Variants in PCDHGA1 observed in about 807,000 individuals in gnomAD.
PCDHGA1 encodes protocadherin gamma-A1.
PCDHGA1 carries 32 observed loss-of-function variants against 58.0 expected under a neutral mutation model. That is an observed-to-expected ratio of 0.55 (90% CI 0.42 to 0.74). The LOEUF is 0.74. Among genes scored for constraint, PCDHGA1 ranks in the 30% least tolerant of loss-of-function variants. The probability of loss-of-function intolerance (pLI) is 0.00; values close to 1 mark genes in which losing one functional copy is unlikely to be tolerated. For missense variants in PCDHGA1, 1,205 were observed against 1,182.3 expected (o/e 1.02, Z -0.28); for synonymous variants, 498 against 501.1 (o/e 0.99, Z 0.08).
chr5:141,417,232 G>C (rs997894028), intron 1 of PCDHGA1: 5 of 152,072 alleles, frequency 3.3e-5, no homozygotes, highest in Non-Finnish European at 7.4e-5. Flanking sequence ...AAAATTTGTT[G>C]CTTATCTTCA....
intron 1 of PCDHGA1, chr5:141,355,180 C>A (rs1383852861): frequency 1.3e-6 from 2 of 1,582,206 alleles, no homozygotes; most frequent in Middle Eastern, 4.6e-4. Context: ...GAAGCACAGG[C>A]GACTCCGCGG....
rs1243112302 is a variant in PCDHGA1, at chr5:141,476,738, C to G, written c.2422-18069C>G. 6.2e-7 allele frequency: 1 copy of G among 1,614,076 alleles called. No homozygotes were observed. Among genetic ancestry groups the G allele is most frequent in the Non-Finnish European group, 8.5e-7 (1 of 1,180,028 alleles). On this transcript the variant is annotated intron_variant, in intron 1 of 3. Transcript: ENST00000517417. This position sits in a 1 kb window ranked among gnomAD's most constrained non-coding sequence, Gnocchi z 7.6. ...GCGCGCCCTGGACCGAGAACGGGAG[C>G]CTAGTCTCCAGTTAGTGCTGACGGC...
intron 1 of PCDHGA1, chr5:141,428,225 A>G (rs775012950): frequency 4.3e-6 from 5 of 1,156,574 alleles, no homozygotes; most frequent in Non-Finnish European, 6.3e-6. Flanking sequence ...GTCTTCGCAG[A>G]CAGCCTGCAG....
At chr5:141,501,333 A>ACC (rs1554187333) in intron 2 of PCDHGA1, among the ~76,000 whole-genome samples, 192 of 140,118 alleles carry the variant, frequency 1.4e-3, no homozygotes, top group Admixed American at 5.6e-3. Flanking sequence ...ACACACACAC[A>ACC]CCCCAAACTC....
At chr5:141,427,411 A>C (rs1256606726) in intron 1 of PCDHGA1, 2 of 464,124 alleles carry the variant, frequency 4.3e-6, no homozygotes, top group Admixed American at 2.3e-5. Flanking sequence ...GATTCGAGAG[A>C]AAATGGGGAG....
intron 1 of PCDHGA1, chr5:141,378,618 ATGAC>A (rs1399279904): frequency 2.6e-5 from 4 of 152,254 alleles, no homozygotes; most frequent in African/African-American, 7.2e-5. Context: ...CTAAAAATAG[ATGAC>A]TGACTGGTGA....
At chr5:141,336,945 A>C (rs1306633248) in intron 1 of PCDHGA1, among the ~76,000 whole-genome samples, 1 of 152,198 alleles carries the variant, frequency 6.6e-6, no homozygotes, top group Non-Finnish European at 1.5e-5. Flanking sequence ...AATCCCAAAC[A>C]ATTGGATGTT....
rs1036281905 is a variant in PCDHGA1 at position 141,493,555 on chromosome 5, T to A, written c.2422-1252T>A. Among the ~76,000 whole-genome samples, 3 of 152,012 alleles carry A rather than the reference T, an allele frequency of 2.0e-5. No individual in the cohort carries two copies. ...GCCAGTTATCCTTTTGGAGATTGAG[T>A]TCCCCCAGCTCCGTTTCCTCCTATC... On this transcript the variant is annotated intron_variant, in intron 1 of 3. Transcript: ENST00000517417. The surrounding 1 kb of genome is among the most constrained non-coding windows in gnomAD (Gnocchi z 4.3).
intron 1 of PCDHGA1, among the ~76,000 whole-genome samples, chr5:141,358,101 A>C (rs1048505594): frequency 6.6e-6 from 1 of 152,166 alleles, no homozygotes; most frequent in African/African-American, 2.4e-5. Context: ...GAGGCATGAG[A>C]ATTGCTTGAA....
intron 1 of PCDHGA1, among the ~76,000 whole-genome samples, chr5:141,369,109 A>G (rs1037761317): frequency 1.3e-5 from 2 of 152,176 alleles, no homozygotes; most frequent in African/African-American, 4.8e-5. Flanking sequence ...TGGAATTAAA[A>G]CTGTAAGACA....
chr5:141,384,261 C>G (rs1561601309), intron 1 of PCDHGA1: 1 of 1,613,910 alleles, frequency 6.2e-7, no homozygotes, highest in East Asian at 2.2e-5. Context: ...CCTTCCCCCA[C>G]TCATCCTACT....
At chr5:141,374,931 A>C in intron 1 of PCDHGA1, 1 of 1,614,022 alleles carries the variant, frequency 6.2e-7, no homozygotes, top group Non-Finnish European at 8.5e-7. Flanking sequence ...TCCTTTGTGA[A>C]GATTACAGAA....
chr5:141,421,359 C>T, intron 1 of PCDHGA1: 1 of 1,614,012 alleles, frequency 6.2e-7, no homozygotes, highest in Non-Finnish European at 8.5e-7. Context: ...AAAAGGGCTC[C>T]TTCGTGGGCA....
intron 3 of PCDHGA1, among the ~76,000 whole-genome samples, chr5:141,506,363 C>T (rs1013247178): frequency 4.0e-5 from 6 of 150,792 alleles, no homozygotes; most frequent in South Asian, 4.2e-4. Context: ...GCAGGAGAAT[C>T]GCTTGAACCT....
intron 1 of PCDHGA1, among the ~76,000 whole-genome samples, chr5:141,368,092 A>G (rs1319696119): frequency 6.6e-6 from 1 of 152,216 alleles, no homozygotes; most frequent in South Asian, 2.1e-4. Context: ...TTTGCTGAAG[A>G]TGATTTTCAG....
At chr5:141,450,297 G>A (rs1414677718) in intron 1 of PCDHGA1, among the ~76,000 whole-genome samples, 3 of 151,838 alleles carry the variant, frequency 2.0e-5, no homozygotes, top group Non-Finnish European at 4.4e-5. Context: ...ACAGGCGTGA[G>A]CCACCATGTG....
chr5:141,371,658 A>G (rs764550191), intron 1 of PCDHGA1: 3 of 1,614,038 alleles, frequency 1.9e-6, no homozygotes, highest in Non-Finnish European at 1.7e-6. Flanking sequence ...CAATGTGACG[A>G]TCACAGCTAC....
intron 1 of PCDHGA1, among the ~76,000 whole-genome samples, chr5:141,479,135 G>C (rs1236040845): frequency 6.6e-6 from 1 of 152,126 alleles, no homozygotes; most frequent in East Asian, 1.9e-4. Flanking sequence ...TGTGCACCCT[G>C]CTTACAAAAT....
In PCDHGA1 at chr5:141,333,096, A is replaced by G; in HGVS notation, c.2412A>G (p.Pro804=). The change falls in exon 1 of 4, where the codon CCA becomes CCG. Residue 804 remains proline, a synonymous_variant. Coordinates refer to ENST00000517417, the MANE Select transcript of PCDHGA1 (RefSeq NM_018912.3). ...CTTTACTTGAAGACAAAAAGGAACC[A>G]TTTTCTCAGGTAAACTTTTGTGATG... The part of the protein sequence containing the change: ...PQSLLEDKKE[P]FSQQAPPNTD... 6.2e-7 allele frequency: 1 copy of G among 1,614,120 alleles called. No homozygotes were observed.
Sources: allele counts gnomAD v4.1 joint callset (sites outside exome capture counted in the v4.1 genomes callset), GRCh38; gene constraint gnomAD v4.1.1; non-coding constraint Gnocchi (gnomAD v3.1); transcripts MANE v1.5; gene names NCBI Gene and HGNC (gene_info 2026-07-23, HGNC 2026-07-21).